Variants in ANKH observed in about 807,000 individuals in gnomAD.
ANKH encodes ANKH inorganic pyrophosphate transport regulator, also known as mineralization regulator ANKH.
In ANKH, 15 loss-of-function variants were observed where a neutral mutation model predicts 49.0. The observed-to-expected ratio is 0.31, with a 90% CI of 0.20 to 0.47. The LOEUF (loss-of-function observed/expected upper bound fraction) is 0.47. ANKH is among the 20% of genes least tolerant of loss of function. The pLI, the probability that ANKH is intolerant of heterozygous loss-of-function variation, is 1.00. For synonymous variants in ANKH, 273 were observed against 260.0 expected (o/e 1.05, Z -0.48); for missense variants, 429 against 652.0 (o/e 0.66, Z 3.72).
At chr5:14,740,303 C>G (rs919570689) in intron 8 of ANKH, among the ~76,000 whole-genome samples, 4 of 152,160 alleles carry the variant, frequency 2.6e-5, no homozygotes, top group Admixed American at 1.3e-4. Flanking sequence ...GAAAAGAAAC[C>G]TGCTCTGTTC....
At chr5:14,772,872 G>A (rs1739491392) in intron 1 of ANKH, among the ~76,000 whole-genome samples, 1 of 152,238 alleles carries the variant, frequency 6.6e-6, no homozygotes, top group African/African-American at 2.4e-5. Context: ...ATGCATCGGT[G>A]AAACTCATCT....
intron 1 of ANKH, among the ~76,000 whole-genome samples, chr5:14,771,587 A>G (rs1189475673): frequency 6.6e-6 from 1 of 152,118 alleles, no homozygotes; most frequent in Non-Finnish European, 1.5e-5. Flanking sequence ...TATGGGTCTG[A>G]TACGACAGTA....
At position 14,707,573 on chromosome 5, in the gene ANKH, A is replaced by G. The variant is rs1736989614; in HGVS notation, c.*3624T>C. On this transcript the variant is annotated 3_prime_UTR_variant, in exon 12 of 12. Coordinates refer to ENST00000284268, the MANE Select transcript of ANKH (RefSeq NM_054027.6). ...TCCTGAGCTGGCCCCGCTGCGACGC[A>G]TCCTGGCGTCTGGAGAACTCAGCCC... The G allele has an allele frequency of 6.6e-6, 1 of 152,234 alleles. No individual in the cohort carries two copies. Among genetic ancestry groups the G allele is most frequent in the Non-Finnish European group, 1.5e-5 (1 of 68,062 alleles). The allele number at this position is 152,234 out of a possible 1,614,324, so 9.4% of individuals were successfully genotyped here.
intron 8 of ANKH, among the ~76,000 whole-genome samples, chr5:14,731,800 G>A (rs1369132301): frequency 6.6e-6 from 1 of 152,234 alleles, no homozygotes; most frequent in Non-Finnish European, 1.5e-5. Flanking sequence ...GCCTTAGGCT[G>A]CACTAGGGAA....
chr5:14,863,238 T>G (rs1735554119), intron 1 of ANKH, among the ~76,000 whole-genome samples: 1 of 152,062 alleles, frequency 6.6e-6, no homozygotes, highest in Non-Finnish European at 1.5e-5. Context: ...TTTTAAACCC[T>G]ACCACACACC....
At chr5:14,800,346 A>G (rs1014942601) in intron 1 of ANKH, among the ~76,000 whole-genome samples, 1 of 152,270 alleles carries the variant, frequency 6.6e-6, no homozygotes, top group African/African-American at 2.4e-5. Flanking sequence ...GCAAAAGCAG[A>G]GTTTGAGAGG....
intron 1 of ANKH, among the ~76,000 whole-genome samples, chr5:14,804,171 T>C (rs774997407): frequency 2.0e-5 from 3 of 152,004 alleles, no homozygotes; most frequent in African/African-American, 4.8e-5. Flanking sequence ...GCTGGGATTA[T>C]AGATGTGAGC....
At chr5:14,862,310 T>G (rs1334773678) in intron 1 of ANKH, among the ~76,000 whole-genome samples, 1 of 152,240 alleles carries the variant, frequency 6.6e-6, no homozygotes, top group Non-Finnish European at 1.5e-5. Flanking sequence ...TTCTGATGAA[T>G]AAACCTTCTA....
At chr5:14,815,078 C>G (rs1740992634) in intron 1 of ANKH, among the ~76,000 whole-genome samples, 1 of 152,208 alleles carries the variant, frequency 6.6e-6, no homozygotes, top group Admixed American at 6.5e-5. Context: ...TCACCTGTCC[C>G]TCTCTGAAAA....
intron 1 of ANKH, among the ~76,000 whole-genome samples, chr5:14,794,816 T>A (rs947567040): frequency 6.6e-6 from 1 of 152,224 alleles, no homozygotes; most frequent in African/African-American, 2.4e-5. Flanking sequence ...GATGTTAGGG[T>A]TGCACTGAGT....
chr5:14,754,847 G>A lies in ANKH; in HGVS notation c.516+1014C>T, dbSNP rs948061185. On this transcript the variant is annotated intron_variant, in intron 4 of 11. Transcript: ENST00000284268. Reference sequence around the variant, plus strand: ...TCCCAGCACTTTGGGAGGCCGAGGTGGGCAGATCACCTGAGGTCAGGAGTT... The same window carrying A: ...TCCCAGCACTTTGGGAGGCCGAGGTAGGCAGATCACCTGAGGTCAGGAGTT... 6.6e-5 allele frequency among the ~76,000 whole-genome samples: 10 copies of A among 152,140 alleles called. No homozygotes were observed. The East Asian group carries it at 1.9e-3, about 29-fold the overall frequency.
At chr5:14,723,648 GA>G (rs1737737591) in intron 8 of ANKH, among the ~76,000 whole-genome samples, 1 of 152,022 alleles carries the variant, frequency 6.6e-6, no homozygotes, top group Non-Finnish European at 1.5e-5. Flanking sequence ...AATTAAAGGA[GA>G]AAAAAAGAAG....
intron 4 of ANKH, among the ~76,000 whole-genome samples, chr5:14,753,745 C>A (rs1471814304): frequency 7.7e-6 from 1 of 129,968 alleles, no homozygotes; most frequent in African/African-American, 3.8e-5. Flanking sequence ...TTGCAACAAA[C>A]CAAGAGGTTT....
At chr5:14,728,237 G>A (rs1013654248) in intron 8 of ANKH, among the ~76,000 whole-genome samples, 2 of 152,230 alleles carry the variant, frequency 1.3e-5, no homozygotes, top group African/African-American at 4.8e-5. Flanking sequence ...AGCTGAGGAG[G>A]ACACAGGGCC....
intron 1 of ANKH, among the ~76,000 whole-genome samples, chr5:14,858,738 TAAATAAATAAATAAATAAA>T (rs1336988782): frequency 1.5e-4 from 14 of 95,848 alleles, no homozygotes; most frequent in African/African-American, 5.0e-4. Flanking sequence ...AATAAATAAA[TAAATAAATAAATAAATAAA>T]TAAAATAAAA....
chr5:14,818,962 A>G (rs955471515), intron 1 of ANKH, among the ~76,000 whole-genome samples: 1 of 152,194 alleles, frequency 6.6e-6, no homozygotes, highest in Non-Finnish European at 1.5e-5. Context: ...TAAATCATAC[A>G]ATACTGTATC....
intron 1 of ANKH, among the ~76,000 whole-genome samples, chr5:14,842,134 T>C (rs894148380): frequency 3.9e-5 from 6 of 152,220 alleles, no homozygotes; most frequent in Admixed American, 2.6e-4. Context: ...GGCTATTTCC[T>C]GGGAGGAAAT....
At chr5:14,762,952 G>C (rs921596515) in intron 2 of ANKH, among the ~76,000 whole-genome samples, 2 of 152,180 alleles carry the variant, frequency 1.3e-5, no homozygotes, top group Non-Finnish European at 2.9e-5. Flanking sequence ...TATTGCAACA[G>C]CAAGAAGACA....
chr5:14,716,632 A>G, intron 9 of ANKH, 74 bp downstream of exon 9: 3 of 1,598,466 alleles, frequency 1.9e-6, no homozygotes, highest in Non-Finnish European at 2.6e-6. Context: ...ACATAATTGC[A>G]AACATTTCCA....
Sources: gnomAD v4.1 joint callset for allele counts (sites outside exome capture counted in the v4.1 genomes callset) on GRCh38, gnomAD v4.1.1 for gene constraint, MANE v1.5 for transcripts, NCBI Gene and HGNC (gene_info 2026-07-23, HGNC 2026-07-21) for gene names.